YBEY: variants seen among roughly 807,000 people sequenced by gnomAD.
The protein encoded by YBEY is endoribonuclease YbeY.
YBEY carries 15 observed loss-of-function variants against 13.5 expected under a neutral mutation model. That is an observed-to-expected ratio of 1.11 (90% CI 0.75 to 1.72). The LOEUF (loss-of-function observed/expected upper bound fraction) is 1.72, where lower values mean the gene tolerates loss of function less well. Among genes scored for constraint, YBEY ranks in the 40% most tolerant of loss-of-function variants. The probability of loss-of-function intolerance (pLI) is 0.00; values close to 1 mark genes in which losing one functional copy is unlikely to be tolerated. For missense variants in YBEY, 244 were observed against 208.4 expected (o/e 1.17, Z -1.05); for synonymous variants, 101 against 83.1 (o/e 1.21, Z -1.17).
At chr21:46,286,831 A>C (rs569721245) in intron 1 of YBEY, 39 bp from the exon 2 acceptor site, 1 of 1,269,120 alleles carries the variant, frequency 7.9e-7, no homozygotes, top group African/African-American at 1.5e-5. Flanking sequence ...CCGTATTATC[A>C]CTTGTACTGA....
intron 3 of YBEY, chr21:46,291,855 C>T: frequency 9.5e-7 from 1 of 1,054,248 alleles, no homozygotes; most frequent in Non-Finnish European, 1.1e-6. Context: ...TGGGTTCTTC[C>T]TGCCCACTGC....
At chr21:46,300,910 G>C, downstream of YBEY, 1 of 910,996 alleles carries the variant, frequency 1.1e-6, no homozygotes, top group Non-Finnish European at 1.5e-6. Context: ...GTAAAGAAAA[G>C]AAATAGTCAA....
the YBEY span, among the ~76,000 whole-genome samples, chr21:46,307,981 A>C: frequency 1.3e-5 from 2 of 152,214 alleles, no homozygotes; most frequent in South Asian, 4.1e-4. Flanking sequence ...ACACTAGATA[A>C]CAGTTTGGCA....
downstream of YBEY, chr21:46,302,225 T>A: frequency 5.6e-6 from 8 of 1,431,790 alleles, no homozygotes; most frequent in Non-Finnish European, 7.3e-6. Flanking sequence ...GCCCTGTTCC[T>A]AACTGGGGCT....
intron 3 of YBEY, among the ~76,000 whole-genome samples, chr21:46,294,627 C>T (rs2081883905): frequency 9.2e-6 from 1 of 109,266 alleles, no homozygotes; most frequent in Non-Finnish European, 2.2e-5. Flanking sequence ...GGGACAGCCA[C>T]GCAAGTTAGA....
the YBEY span, among the ~76,000 whole-genome samples, chr21:46,307,046 C>A: frequency 6.6e-6 from 1 of 152,072 alleles, no homozygotes; most frequent in Non-Finnish European, 1.5e-5. Flanking sequence ...CAGGCGCCCA[C>A]CACCACACCT....
downstream of YBEY, among the ~76,000 whole-genome samples, chr21:46,302,738 G>A (rs1414340894): frequency 4.0e-5 from 6 of 148,640 alleles, no homozygotes; most frequent in Admixed American, 1.3e-4. Context: ...TCCCCGGGGC[G>A]CGCCCTGAGC....
downstream of YBEY, chr21:46,297,851 G>A: frequency 3.6e-6 from 4 of 1,102,242 alleles, no homozygotes; most frequent in African/African-American, 3.2e-5. Context: ...CCCCGCCCGG[G>A]AGCACCGCGC....
chr21:46,290,603 C>T (rs62226488), intron 2 of YBEY, among the ~76,000 whole-genome samples: 61,404 of 151,470 alleles, frequency 0.41, 12,925 homozygotes, highest in Admixed American at 0.48. Flanking sequence ...TGGCCTGAGA[C>T]ATGCATCTTA....
At chr21:46,294,458 G>C (rs867518549) in intron 3 of YBEY, among the ~76,000 whole-genome samples, 20 of 63,828 alleles carry the variant, frequency 3.1e-4, no homozygotes, top group Admixed American at 6.0e-4. Context: ...ACCCGTGCCC[G>C]GGACTCAGTG....
At chr21:46,307,148 A>G in the YBEY span, among the ~76,000 whole-genome samples, 2 of 146,072 alleles carry the variant, frequency 1.4e-5, no homozygotes, top group African/African-American at 5.1e-5. Context: ...CAGCCTCTTT[A>G]GCCTCCCAAA....
chr21:46,295,571 G>C (rs2081923939), intron 3 of YBEY, among the ~76,000 whole-genome samples: 1 of 151,840 alleles, frequency 6.6e-6, no homozygotes, highest in South Asian at 2.1e-4. Context: ...CCTCTCTCCA[G>C]GGGGACATGG....
chr21:46,302,494 T>G, downstream of YBEY: 3 of 1,610,104 alleles, frequency 1.9e-6, no homozygotes, highest in Middle Eastern at 1.7e-4. Flanking sequence ...CCTGCAGGGC[T>G]GGGGGCAGGG....
rs2081468932 is a variant in YBEY, at chr21:46,287,109, T to A, written c.196T>A (p.Phe66Ile). Residue 66 changes from phenylalanine to isoleucine, a missense_variant, in exon 2 of 5, where the codon TTT becomes ATT. Coordinates refer to ENST00000397701, the MANE Select transcript of YBEY (RefSeq NM_001314025.2). ...AAATGTCCCAACCGATGTGCTTTCTTTTCCATTTCATGAGGTAAAAAAAAA... is the reference window on the plus strand; with the variant it reads ...AAATGTCCCAACCGATGTGCTTTCTATTCCATTTCATGAGGTAAAAAAAAA... ...DRNVPTDVLS[F>I]PFHEHLKAGE... 6.2e-7 allele frequency: 1 copy of A among 1,600,722 alleles called. No individual in the cohort carries two copies. Among genetic ancestry groups the A allele is most frequent in the African/African-American group, 1.4e-5 (1 of 73,518 alleles).
chr21:46,290,838 G>T (rs1273207331), intron 2 of YBEY, among the ~76,000 whole-genome samples: 1 of 151,966 alleles, frequency 6.6e-6, no homozygotes, highest in Admixed American at 6.6e-5. Flanking sequence ...CTGAGGTTGG[G>T]AGTTTGAGAC....
At chr21:46,299,604 A>T (rs1281740235), downstream of YBEY, among the ~76,000 whole-genome samples, 1 of 152,108 alleles carries the variant, frequency 6.6e-6, no homozygotes, top group Admixed American at 6.5e-5. Context: ...TCTTGACTGG[A>T]GTTGCATTGA....
intron 2 of YBEY, among the ~76,000 whole-genome samples, chr21:46,290,150 G>T (rs745695311): frequency 1.3e-5 from 2 of 152,056 alleles, no homozygotes; most frequent in East Asian, 1.9e-4. Context: ...AGCTCTATTT[G>T]TCAGGTTTTT....
chr21:46,311,562 G>T, the YBEY span: 1 of 1,605,370 alleles, frequency 6.2e-7, no homozygotes. Flanking sequence ...CAGGAGGCTG[G>T]GGGACCTAGG....
Position 46,297,622 on chromosome 21 carries a change from C to A in YBEY, c.492C>A (p.Phe164Leu). 7.4e-7 allele frequency: 1 copy of A among 1,345,544 alleles called. No homozygotes were observed. 83.4% of individuals were successfully genotyped at this position (1,345,544 alleles called of 1,614,324 possible). ...TRLQPLTRGLFGGS is the reference protein window; with the variant it reads ...TRLQPLTRGLLGGS ...TGCAGCCCCTGACCCGGGGCCTCTTCGGAGGGAGCTGAGGGCCGCGTTCCT... is the reference window on the plus strand; with the variant it reads ...TGCAGCCCCTGACCCGGGGCCTCTTAGGAGGGAGCTGAGGGCCGCGTTCCT... The change falls in exon 5 of 5, where the codon TTC (phenylalanine) becomes TTA (leucine). Residue 164 changes from phenylalanine to leucine, a missense_variant. Coordinates refer to ENST00000397701, the MANE Select transcript of YBEY (RefSeq NM_001314025.2).
Sources: allele counts gnomAD v4.1 joint callset (sites outside exome capture counted in the v4.1 genomes callset), GRCh38; gene constraint gnomAD v4.1.1; transcripts MANE v1.5; gene names NCBI Gene and HGNC (gene_info 2026-07-23, HGNC 2026-07-21).